Variants in PIGU observed in about 807,000 individuals in gnomAD.
PIGU encodes phosphatidylinositol glycan anchor biosynthesis class U, also known as GPI-anchor transamidase component PIGU.
In PIGU, 24 loss-of-function variants were observed where a neutral mutation model predicts 49.9. The observed-to-expected ratio is 0.48, with a 90% CI of 0.35 to 0.68. PIGU has a LOEUF of 0.68. Ranked by LOEUF, PIGU falls within the 30% of genes least tolerant of loss-of-function variation. The pLI, the probability that PIGU is intolerant of heterozygous loss-of-function variation, is 0.01. For missense variants in PIGU, 490 were observed against 532.6 expected (o/e 0.92, Z 0.79); for synonymous variants, 220 against 205.7 (o/e 1.07, Z -0.59).
At chr20:34,652,945 T>C (rs1342416634) in intron 2 of PIGU, among the ~76,000 whole-genome samples, 1 of 152,022 alleles carries the variant, frequency 6.6e-6, no homozygotes, top group Admixed American at 6.6e-5. Context: ...GGATGGAGTG[T>C]TCTATAAATG....
At chr20:34,575,311 T>C in intron 10 of PIGU, 65 bp from the exon 11 acceptor site, 2 of 1,563,208 alleles carry the variant, frequency 1.3e-6, no homozygotes, top group African/African-American at 1.3e-5. Flanking sequence ...CCTGCTGCAA[T>C]GGCCCCCCTG....
intron 7 of PIGU, among the ~76,000 whole-genome samples, chr20:34,607,538 T>C (rs767461815): frequency 1.3e-5 from 2 of 152,164 alleles, no homozygotes; most frequent in Non-Finnish European, 2.9e-5. Context: ...CTCCATCCCA[T>C]TGACAGCCAC....
intron 6 of PIGU, among the ~76,000 whole-genome samples, chr20:34,617,938 GT>G (rs1272120048): frequency 6.6e-6 from 1 of 152,134 alleles, no homozygotes; most frequent in Admixed American, 6.5e-5. Flanking sequence ...TTTATCAGGG[GT>G]TTCCGCTTTT....
At chr20:34,645,203 A>AT in intron 3 of PIGU, 72 bp downstream of exon 3, 3 of 1,307,586 alleles carry the variant, frequency 2.3e-6, no homozygotes, top group Non-Finnish European at 3.0e-6. Flanking sequence ...AAAAAAAAAA[A>AT]GAGAGAGAGA....
Position 34,627,676 on chromosome 20 carries a change from G to A in PIGU, c.529+6939C>T, listed in dbSNP as rs140090713. ...CTTCAGTTTCTCTATCTTTGCACTC[G>A]GCTATTTTAAAGATGACATTTCCAA... On this transcript the variant is annotated intron_variant, in intron 6 of 11. Coordinates refer to ENST00000217446, the MANE Select transcript of PIGU (RefSeq NM_080476.5). 8.2e-4 allele frequency among the ~76,000 whole-genome samples: 125 copies of A among 152,000 alleles called. 1 individual carries two copies. The South Asian group carries it at 9.2e-3, about 11-fold the overall frequency.
At chr20:34,637,397 T>C (rs976591070) in intron 5 of PIGU, among the ~76,000 whole-genome samples, 1 of 152,218 alleles carries the variant, frequency 6.6e-6, no homozygotes, top group African/African-American at 2.4e-5. Flanking sequence ...AATTCTTTCA[T>C]AGAGCCTCAG....
intron 2 of PIGU, among the ~76,000 whole-genome samples, chr20:34,645,990 GA>G (rs1473522736): frequency 1.1e-4 from 16 of 152,242 alleles, no homozygotes; most frequent in Admixed American, 6.5e-5. Context: ...TAGCCGAGGG[GA>G]ATTCCACAAC....
chr20:34,623,762 T>C (rs944200765), intron 6 of PIGU, among the ~76,000 whole-genome samples: 1 of 152,138 alleles, frequency 6.6e-6, no homozygotes, highest in Non-Finnish European at 1.5e-5. Context: ...CTCTAGGAGG[T>C]AGATATTCTG....
intron 5 of PIGU, among the ~76,000 whole-genome samples, chr20:34,637,039 C>T (rs1985990574): frequency 6.6e-6 from 1 of 151,920 alleles, no homozygotes; most frequent in Non-Finnish European, 1.5e-5. Flanking sequence ...ACTGATAGTC[C>T]AAAACTATTT....
At chr20:34,624,823 G>A (rs1985394143) in intron 6 of PIGU, among the ~76,000 whole-genome samples, 1 of 152,084 alleles carries the variant, frequency 6.6e-6, no homozygotes, top group African/African-American at 2.4e-5. Context: ...CAATACAATG[G>A]CCCGAGGCTT....
At chr20:34,642,981 C>G (rs1029205040) in intron 4 of PIGU, among the ~76,000 whole-genome samples, 1 of 151,946 alleles carries the variant, frequency 6.6e-6, no homozygotes, top group Admixed American at 6.6e-5. Flanking sequence ...GAGAAGAGAA[C>G]AGTCACTGCT....
intron 2 of PIGU, among the ~76,000 whole-genome samples, chr20:34,652,686 AATTTCCTTTCTG>A (rs1488395969): frequency 6.6e-6 from 1 of 152,060 alleles, no homozygotes; most frequent in Non-Finnish European, 1.5e-5. Flanking sequence ...AATACTTTCT[AATTTCCTTTCTG>A]ATTTCTTCTT....
chr20:34,603,445 T>C (rs906059637), intron 7 of PIGU, among the ~76,000 whole-genome samples: 1 of 152,242 alleles, frequency 6.6e-6, no homozygotes, highest in African/African-American at 2.4e-5. Flanking sequence ...TTATCCAGTT[T>C]TCAATACAAT....
intron 10 of PIGU, 82 bp from the exon 11 acceptor site, chr20:34,575,328 G>A (rs1001307804): frequency 1.3e-6 from 2 of 1,507,642 alleles, no homozygotes; most frequent in Non-Finnish European, 1.8e-6. Flanking sequence ...CCTGAATGGA[G>A]AGGCCCAAGG....
chr20:34,634,675 T>G lies in PIGU; in HGVS notation c.469A>C (p.Lys157Gln). The change falls in exon 6 of 12, where the codon AAG becomes CAG. Residue 157 changes from lysine to glutamine, a missense_variant. Lys to Gln is a moderately conservative substitution (Grantham distance 53). Coordinates refer to ENST00000217446, the MANE Select transcript of PIGU (RefSeq NM_080476.5). ...NPYTILSCVAKSTCAINNTLI... is the reference protein window; with the variant it reads ...NPYTILSCVAQSTCAINNTLI... Reference sequence around the variant, plus strand: ...GTGTTGTTGATGGCACAGGTAGACTTGGCAACACAAGACAAAATCGTGTAA... The same window carrying G: ...GTGTTGTTGATGGCACAGGTAGACTGGGCAACACAAGACAAAATCGTGTAA... 1.2e-6 allele frequency: 2 copies of G among 1,613,204 alleles called. No individual in the cohort carries two copies. Among genetic ancestry groups the G allele is most frequent in the Non-Finnish European group, 1.7e-6 (2 of 1,179,320 alleles).
chr20:34,583,050 G>A (rs1175953323), intron 9 of PIGU, among the ~76,000 whole-genome samples: 1 of 152,184 alleles, frequency 6.6e-6, no homozygotes, highest in East Asian at 1.9e-4. Context: ...TGACCTTTTT[G>A]TCTTGCAGGT....
intron 7 of PIGU, among the ~76,000 whole-genome samples, chr20:34,600,511 G>A (rs1268579224): frequency 6.6e-6 from 1 of 151,976 alleles, no homozygotes; most frequent in African/African-American, 2.4e-5. Flanking sequence ...TTTAGGTTCT[G>A]AGTTAATTCC....
intron 9 of PIGU, 127 bp downstream of exon 9, chr20:34,585,310 C>T: frequency 8.6e-7 from 1 of 1,166,528 alleles, no homozygotes. Context: ...AAGGCAGGTT[C>T]CTTAGGTGAG....
At chr20:34,651,123 A>G (rs1339101893) in intron 2 of PIGU, among the ~76,000 whole-genome samples, 1 of 152,162 alleles carries the variant, frequency 6.6e-6, no homozygotes, top group Non-Finnish European at 1.5e-5. Flanking sequence ...GGTAATTACA[A>G]TATAGTTGTT....
Sources: allele counts gnomAD v4.1 joint callset (sites outside exome capture counted in the v4.1 genomes callset), GRCh38; gene constraint gnomAD v4.1.1; transcripts MANE v1.5; gene names NCBI Gene and HGNC (gene_info 2026-07-23, HGNC 2026-07-21).